SNX25: variants seen among roughly 807,000 people sequenced by gnomAD.
SNX25 encodes the protein sorting nexin 25.
SNX25 carries 62 observed loss-of-function variants against 113.7 expected under a neutral mutation model. The observed-to-expected ratio is 0.55, with a 90% CI of 0.44 to 0.67. The LOEUF (loss-of-function observed/expected upper bound fraction) is 0.67, where lower values mean the gene tolerates loss of function less well. SNX25 is among the 30% of genes least tolerant of loss of function. The probability of loss-of-function intolerance (pLI) is 0.00; values close to 1 mark genes in which losing one functional copy is unlikely to be tolerated. For synonymous variants in SNX25, 421 were observed against 436.2 expected (o/e 0.97, Z 0.43); for missense variants, 1,014 against 1,161.0 (o/e 0.87, Z 1.84).
chr4:185,308,063 C>T (rs1016419608), intron 6 of SNX25, among the ~76,000 whole-genome samples: 6 of 152,220 alleles, frequency 3.9e-5, no homozygotes, highest in Admixed American at 2.0e-4. Context: ...CGGGCCCACA[C>T]CTCTCTTTAC....
chr4:185,303,425 C>T (rs180672510), intron 6 of SNX25, among the ~76,000 whole-genome samples: 15 of 151,800 alleles, frequency 9.9e-5, no homozygotes, highest in East Asian at 3.9e-4. Flanking sequence ...TTTGGGAGGC[C>T]GAGGTGGGTG....
rs556593581 is a variant in SNX25 at position 185,349,278 on chromosome 4, T to C, written c.2302-2167T>C. Among the ~76,000 whole-genome samples, 9 of 152,346 alleles carry C rather than the reference T, an allele frequency of 5.9e-5. No homozygotes were observed. The East Asian group carries it at 1.7e-3, about 29-fold the overall frequency. The stretch of plus-strand genomic sequence containing the variant: ...CGGGCTGTGGGTTGGACAAGCTTGA[T>C]GTATGTATACCACGTTTTCTCTATC... On this transcript the variant is annotated intron_variant, in intron 13 of 18. Transcript: ENST00000652585.
At chr4:185,342,242 C>A in intron 12 of SNX25, 126 bp downstream of exon 12, 1 of 1,144,656 alleles carries the variant, frequency 8.7e-7, no homozygotes, top group Non-Finnish European at 1.2e-6. Context: ...CATTTTCATC[C>A]TGACATTTGG....
At position 185,361,187 on chromosome 4, in the gene SNX25, A is replaced by G. The variant is rs146421891; in HGVS notation, c.2652-737A>G. ...CTGCCCAGCATTCTCTGCCATAGCA[A>G]CACTAAAAGACAGCTACGGAAAGCC... is the stretch of plus-strand genomic sequence containing the variant. On this transcript the variant is annotated intron_variant, in intron 16 of 18. Transcript: ENST00000652585. 2.6e-5 allele frequency among the ~76,000 whole-genome samples: 4 copies of G among 152,272 alleles called. No homozygotes were observed. In the East Asian group the frequency reaches 7.7e-4, roughly 29 times the overall value.
chr4:185,317,859 G>T lies in SNX25; in HGVS notation c.1345-2874G>T, dbSNP rs28398243. ...ATGTGGGGCTTAAAACCTAGATGACGGGTAGATAAGTGCAGCAAACCACCA... is the reference window on the plus strand; with the variant it reads ...ATGTGGGGCTTAAAACCTAGATGACTGGTAGATAAGTGCAGCAAACCACCA... On this transcript the variant is annotated intron_variant, in intron 7 of 18. Transcript: ENST00000652585. 2.0e-5 allele frequency among the ~76,000 whole-genome samples: 3 copies of T among 151,944 alleles called. No individual in the cohort carries two copies. The East Asian group carries it at 5.8e-4, about 29-fold the overall frequency.
intron 6 of SNX25, among the ~76,000 whole-genome samples, chr4:185,291,293 T>A (rs755544510): frequency 2.7e-4 from 41 of 152,194 alleles, no homozygotes; most frequent in Non-Finnish European, 7.4e-5. Context: ...TAGCCATCAT[T>A]ACCACCCATC....
At chr4:185,285,946 T>TA (rs1269285264) in intron 5 of SNX25, among the ~76,000 whole-genome samples, 12 of 151,328 alleles carry the variant, frequency 7.9e-5, no homozygotes, top group East Asian at 1.9e-4. Context: ...CTAATTTTTT[T>TA]TTTTTATTTT....
chr4:185,262,599 C>T (rs1345072445), intron 3 of SNX25, among the ~76,000 whole-genome samples: 1 of 152,134 alleles, frequency 6.6e-6, no homozygotes, highest in African/African-American at 2.4e-5. Flanking sequence ...CTTTTATTAC[C>T]TCTGTGACTT....
At chr4:185,215,748 C>A (rs901861572) in intron 1 of SNX25, among the ~76,000 whole-genome samples, 2 of 152,000 alleles carry the variant, frequency 1.3e-5, no homozygotes, top group East Asian at 3.9e-4. Flanking sequence ...ATTTTGAAAA[C>A]CTTAAATCCT....
downstream of SNX25, among the ~76,000 whole-genome samples, chr4:185,371,795 G>C (rs961336627): frequency 6.6e-5 from 10 of 152,182 alleles, no homozygotes; most frequent in African/African-American, 2.4e-4. Context: ...GCTGCCTGGA[G>C]CCCGAGACGC....
intron 7 of SNX25, among the ~76,000 whole-genome samples, chr4:185,314,094 C>T (rs2126670972): frequency 6.6e-6 from 1 of 152,116 alleles, no homozygotes. Flanking sequence ...TACGAGTGGG[C>T]CTGTGCAGCT....
chr4:185,259,301 T>C (rs1211838345), intron 3 of SNX25, among the ~76,000 whole-genome samples: 3 of 152,166 alleles, frequency 2.0e-5, no homozygotes, highest in Non-Finnish European at 2.9e-5. Flanking sequence ...AAAATGAATT[T>C]TACTGAACCA....
chr4:185,209,927 G>A lies in SNX25; in HGVS notation c.101G>A (p.Arg34Gln), dbSNP rs1028460814. ...RPVSGFRGER[R>Q]PESPGDAEAA... is the part of the protein sequence containing the mutation. ...GTCTCGGGCTTCAGGGGCGAGCGGC[G>A]GCCGGAGTCCCCGGGGGACGCGGAG... Residue 34 changes from arginine to glutamine, a missense_variant, in exon 1 of 19, where the codon CGG becomes CAG. Coordinates refer to ENST00000652585, the MANE Select transcript of SNX25 (RefSeq NM_001378034.2). The surrounding 1 kb of genome is among the most constrained non-coding windows in gnomAD (Gnocchi z 5.2). 7.1e-6 allele frequency: 7 copies of A among 983,148 alleles called. No individual in the cohort carries two copies. The highest frequency in any genetic ancestry group is 1.8e-5 in the African/African-American group (1 of 56,966). The allele number at this position is 983,148 out of a possible 1,614,324, so 60.9% of individuals were successfully genotyped here.
intron 1 of SNX25, among the ~76,000 whole-genome samples, chr4:185,212,243 G>A (rs1270983302): frequency 6.6e-6 from 1 of 151,186 alleles, no homozygotes; most frequent in Admixed American, 6.6e-5. Context: ...CTCGGAAAGT[G>A]TTAGGATTAC....
chr4:185,245,159 T>C lies in SNX25; in HGVS notation c.430-2135T>C, dbSNP rs1427195897. Reference sequence around the variant, plus strand: ...CACGTGAAAAAAAAATGTTCTGCAATTTTTTTTGTTTCTTTTTTTCGTTCC... The same window carrying C: ...CACGTGAAAAAAAAATGTTCTGCAACTTTTTTTGTTTCTTTTTTTCGTTCC... On this transcript the variant is annotated intron_variant, in intron 1 of 18. Coordinates refer to ENST00000652585, the MANE Select transcript of SNX25 (RefSeq NM_001378034.2). Among the ~76,000 whole-genome samples the C allele has an allele frequency of 2.0e-5, 3 of 152,046 alleles. No individual in the cohort carries two copies. In the East Asian group the frequency reaches 5.8e-4, roughly 29 times the overall value.
At chr4:185,254,657 A>G (rs1052532859) in intron 2 of SNX25, among the ~76,000 whole-genome samples, 2 of 152,102 alleles carry the variant, frequency 1.3e-5, no homozygotes, top group African/African-American at 2.4e-5. Context: ...GTTTTTCTCT[A>G]CTTTGTTACC....
intron 7 of SNX25, among the ~76,000 whole-genome samples, chr4:185,317,200 C>T (rs905769420): frequency 1.3e-5 from 2 of 152,108 alleles, no homozygotes; most frequent in African/African-American, 4.8e-5. Flanking sequence ...ATTTATGTGG[C>T]CAACAAACAT....
chr4:185,261,108 CTGTCTCTG>C (rs1747248168), intron 3 of SNX25, among the ~76,000 whole-genome samples: 2 of 130,770 alleles, frequency 1.5e-5, no homozygotes, highest in Non-Finnish European at 3.3e-5. Flanking sequence ...GTCTGTCTGT[CTGTCTCTG>C]TGTGTGTGTG....
chr4:185,234,365 C>T (rs546415362), intron 1 of SNX25, among the ~76,000 whole-genome samples: 3 of 152,218 alleles, frequency 2.0e-5, no homozygotes, highest in East Asian at 3.9e-4. Flanking sequence ...AATCATTTTT[C>T]GGAAAGGAAA....
Sources: allele counts gnomAD v4.1 joint callset (sites outside exome capture counted in the v4.1 genomes callset), GRCh38; gene constraint gnomAD v4.1.1; non-coding constraint Gnocchi (gnomAD v3.1); transcripts MANE v1.5; gene names NCBI Gene and HGNC (gene_info 2026-07-23, HGNC 2026-07-21).